RGS21: variants seen among roughly 807,000 people sequenced by gnomAD.
RGS21 encodes the protein regulator of G-protein signalling 21.
A neutral mutation model predicts 18.7 loss-of-function variants in RGS21; 19 were observed. The ratio of observed to expected loss-of-function variants is 1.01; its 90% CI spans 0.71 to 1.49. The LOEUF is 1.49. RGS21 is among the 40% of genes most tolerant of loss of function. The pLI is 0.00. For synonymous variants in RGS21, 56 were observed against 57.8 expected (o/e 0.97, Z 0.14); for missense variants, 194 against 176.8 (o/e 1.10, Z -0.55).
chr1:192,319,423 G>T (rs1658464983), intron 1 of RGS21, among the ~76,000 whole-genome samples: 1 of 151,862 alleles, frequency 6.6e-6, no homozygotes, highest in African/African-American at 2.4e-5. Flanking sequence ...CCAAAAATAA[G>T]AAAACAAACA....
chr1:192,327,996 G>A (rs1262621200), intron 1 of RGS21, among the ~76,000 whole-genome samples: 1 of 152,136 alleles, frequency 6.6e-6, no homozygotes, highest in Non-Finnish European at 1.5e-5. Flanking sequence ...CATATTGTCT[G>A]ATCAAAGTGG....
intron 1 of RGS21, among the ~76,000 whole-genome samples, chr1:192,318,284 G>C (rs1046063478): frequency 6.6e-6 from 1 of 152,020 alleles, no homozygotes; most frequent in South Asian, 2.1e-4. Context: ...AGCAGCCACA[G>C]CATTCTCGAA....
intron 4 of RGS21, among the ~76,000 whole-genome samples, chr1:192,362,591 C>G (rs1659201526): frequency 6.6e-6 from 1 of 152,086 alleles, no homozygotes; most frequent in African/African-American, 2.4e-5. Context: ...TGACATTAAG[C>G]TGAATTGCCA....
chr1:192,334,069 T>C (rs552378996), intron 1 of RGS21, among the ~76,000 whole-genome samples: 4 of 152,188 alleles, frequency 2.6e-5, no homozygotes, highest in African/African-American at 4.8e-5. Context: ...TCTAAAAACA[T>C]CATAATTATA....
intron 3 of RGS21, among the ~76,000 whole-genome samples, chr1:192,350,730 G>T (rs570876648): frequency 6.6e-6 from 1 of 152,246 alleles, no homozygotes; most frequent in African/African-American, 2.4e-5. Flanking sequence ...TAAATGTATT[G>T]GTTTAGTTTT....
intron 4 of RGS21, among the ~76,000 whole-genome samples, chr1:192,355,071 A>G (rs1659092990): frequency 6.6e-6 from 1 of 151,644 alleles, no homozygotes; most frequent in African/African-American, 2.4e-5. Context: ...TCTGGTTCCC[A>G]AATTAACAGG....
intron 3 of RGS21, among the ~76,000 whole-genome samples, chr1:192,349,083 C>T (rs1450954132): frequency 6.6e-6 from 1 of 152,056 alleles, no homozygotes; most frequent in Non-Finnish European, 1.5e-5. Flanking sequence ...GGTGTATTTC[C>T]TTTCTCCTTA....
intron 4 of RGS21, among the ~76,000 whole-genome samples, chr1:192,362,401 G>A (rs931858470): frequency 1.3e-5 from 2 of 152,044 alleles, no homozygotes; most frequent in African/African-American, 4.8e-5. Flanking sequence ...AGACCATTGT[G>A]AAATTAGAAA....
chr1:192,351,880 TAA>T (rs1659047263), intron 3 of RGS21, among the ~76,000 whole-genome samples, 165 bp from the exon 4 acceptor site: 1 of 150,522 alleles, frequency 6.6e-6, no homozygotes, highest in Non-Finnish European at 1.5e-5. Context: ...TGATTGAAAA[TAA>T]AGTTTTCTAG....
chr1:192,320,391 T>C (rs755951577), intron 1 of RGS21, among the ~76,000 whole-genome samples: 2 of 152,110 alleles, frequency 1.3e-5, no homozygotes, highest in African/African-American at 2.4e-5. Flanking sequence ...TGCACACAGA[T>C]GTTCAACATC....
intron 1 of RGS21, among the ~76,000 whole-genome samples, chr1:192,328,120 A>G (rs995205273): frequency 3.3e-5 from 5 of 152,170 alleles, no homozygotes; most frequent in Non-Finnish European, 2.9e-5. Context: ...AAGAAGGCAT[A>G]CAGGGCCGCG....
chr1:192,358,138 T>TTA (rs1249519380), intron 4 of RGS21, among the ~76,000 whole-genome samples: 19 of 152,016 alleles, frequency 1.2e-4, no homozygotes, highest in Non-Finnish European at 4.4e-5. Flanking sequence ...GTCATCTCCT[T>TTA]TATCACCACA....
chr1:192,345,603 C>T (rs896430293), intron 2 of RGS21, among the ~76,000 whole-genome samples: 21 of 151,998 alleles, frequency 1.4e-4, no homozygotes, highest in African/African-American at 4.8e-4. Context: ...AAATGTTCAT[C>T]TTTGAATGAA....
intron 1 of RGS21, among the ~76,000 whole-genome samples, chr1:192,325,874 T>A (rs1658562359): frequency 6.6e-6 from 1 of 152,086 alleles, no homozygotes; most frequent in Non-Finnish European, 1.5e-5. Context: ...TTGTGAGTTT[T>A]TCTAGTTTTA....
Sources: allele counts gnomAD v4.1 joint callset (sites outside exome capture counted in the v4.1 genomes callset), GRCh38; gene constraint gnomAD v4.1.1; transcripts MANE v1.5; gene names NCBI Gene and HGNC (gene_info 2026-07-23, HGNC 2026-07-21).